GNAL: variants seen among roughly 807,000 people sequenced by gnomAD.
GNAL encodes G protein subunit alpha L.
In GNAL, 18 loss-of-function variants were observed where a neutral mutation model predicts 55.1. The observed-to-expected ratio is 0.33, with a 90% confidence interval of 0.23 to 0.48. The LOEUF is 0.48. GNAL is among the 20% of genes least tolerant of loss of function. GNAL has a pLI of 0.99. For missense variants in GNAL, 412 were observed against 614.1 expected, an observed-to-expected ratio of 0.67 and a Z score of 3.48; for synonymous variants, 253 against 237.0, an observed-to-expected ratio of 1.07 and a Z score of -0.62.
At chr18:11,853,542 T>C (rs2035931787) in intron 5 of GNAL, 1 of 167,072 alleles carries the variant, frequency 6.0e-6, no homozygotes, top group African/African-American at 2.4e-5. Flanking sequence ...AAAATAATTA[T>C]AGGGGCCCTT....
intron 1 of GNAL, among the ~76,000 whole-genome samples, chr18:11,747,895 G>T (rs139206827): frequency 3.8e-4 from 58 of 152,168 alleles, no homozygotes; most frequent in African/African-American, 1.4e-3. Context: ...GGCAGCCCTG[G>T]GTCCCCGCAG....
chr18:11,884,816 C>T lies in GNAL; in HGVS notation c.*3681C>T. Reference sequence around the variant, plus strand: ...ACAGCTCACCCCCGACCAGCCCAGGCTCCAGCAGGAGAGACAAGTAAGGCC... The same window carrying T: ...ACAGCTCACCCCCGACCAGCCCAGGTTCCAGCAGGAGAGACAAGTAAGGCC... On this transcript the variant is annotated 3_prime_UTR_variant, in exon 12 of 12. Coordinates refer to ENST00000334049, the MANE Select transcript of GNAL (RefSeq NM_182978.4). 1 of 1,397,698 alleles carries T rather than the reference C, an allele frequency of 7.2e-7. No individual in the cohort carries two copies. Among genetic ancestry groups the T allele is most frequent in the Non-Finnish European group, 9.3e-7 (1 of 1,072,234 alleles). The allele number at this position is 1,397,698 out of a possible 1,614,324, so 86.6% of individuals were successfully genotyped here. A position where few individuals can be genotyped will look rare whatever the true frequency, so the allele number is the denominator to read the frequency against.
intron 5 of GNAL, among the ~76,000 whole-genome samples, chr18:11,850,119 G>C (rs752092800): frequency 6.6e-6 from 1 of 152,198 alleles, no homozygotes; most frequent in Non-Finnish European, 1.5e-5. Flanking sequence ...CCACAGGACC[G>C]GGCGTCAGTC....
At chr18:11,754,241 C>T (rs2032961194) in intron 4 of GNAL, among the ~76,000 whole-genome samples, 1 of 151,934 alleles carries the variant, frequency 6.6e-6, no homozygotes, top group African/African-American at 2.4e-5. Context: ...ATGGTAAAAC[C>T]CCATCTCTAC....
chr18:11,700,511 G>A (rs1387234536), intron 1 of GNAL, among the ~76,000 whole-genome samples: 2 of 152,226 alleles, frequency 1.3e-5, no homozygotes, highest in African/African-American at 4.8e-5. Flanking sequence ...GTTATTAGGT[G>A]TTACACCAAA....
intron 1 of GNAL, among the ~76,000 whole-genome samples, chr18:11,720,357 A>C (rs1179057891): frequency 6.6e-6 from 1 of 152,256 alleles, no homozygotes; most frequent in Non-Finnish European, 1.5e-5. Context: ...TAATAAAAAG[A>C]ATGCAACTGT....
intron 1 of GNAL, among the ~76,000 whole-genome samples, chr18:11,749,874 A>C (rs1339592582): frequency 2.0e-5 from 3 of 152,164 alleles, no homozygotes; most frequent in Non-Finnish European, 4.4e-5. Flanking sequence ...GAGTGTTAGG[A>C]GGGATGGGGT....
At position 11,882,684 on chromosome 18, in the gene GNAL, C is replaced by CAAAAAA. The variant is rs5823181; in HGVS notation, c.*1564_*1569dup. Reference sequence around the variant, plus strand: ...CTGGACATCAAAGTGAGACTCAGGCCAAAAAAAAAAAAAAAAAAAACCTTG... The same window carrying CAAAAAA: ...CTGGACATCAAAGTGAGACTCAGGCCAAAAAAAAAAAAAAAAAAAAAAAAAACCTTG... On this transcript the variant is annotated 3_prime_UTR_variant, in exon 12 of 12. Transcript: ENST00000334049. 1.1e-5 allele frequency: 1 copy of CAAAAAA among 88,004 alleles called. No individual in the cohort carries two copies. Among genetic ancestry groups the CAAAAAA allele is most frequent in the Non-Finnish European group, 2.2e-5 (1 of 44,710 alleles). The allele number at this position is 88,004 out of a possible 1,614,324, so 5.5% of individuals were successfully genotyped here.
In GNAL at chr18:11,699,795, A is replaced by C. The variant is rs568921872; in HGVS notation, c.376+9856A>C. On this transcript the variant is annotated intron_variant, in intron 1 of 11. Transcript: ENST00000334049. ...GACAATGTCACCACATACTTGTCCA[A>C]CCCACAGAATATACAACGCCAAGAG... Among the ~76,000 whole-genome samples the C allele has an allele frequency of 5.3e-5, 8 of 152,276 alleles. 1 individual carries two copies. In the South Asian group the frequency reaches 1.7e-3, roughly 32 times the overall value.
chr18:11,835,343 G>A (rs1375389453), intron 5 of GNAL, among the ~76,000 whole-genome samples: 1 of 151,504 alleles, frequency 6.6e-6, no homozygotes, highest in Non-Finnish European at 1.5e-5. Flanking sequence ...ACAATAAAAT[G>A]AAGCTGGGCA....
intron 5 of GNAL, among the ~76,000 whole-genome samples, chr18:11,846,186 A>G (rs376081416): frequency 2.4e-4 from 36 of 152,184 alleles, no homozygotes; most frequent in Admixed American, 5.9e-4. Flanking sequence ...CAGTGTAAAG[A>G]AGGAGGAGGA....
chr18:11,835,865 C>A (rs1368571089), intron 5 of GNAL, among the ~76,000 whole-genome samples: 1 of 152,214 alleles, frequency 6.6e-6, no homozygotes, highest in Admixed American at 6.5e-5. Flanking sequence ...GTGCGTCCCA[C>A]CAGGCGAGGT....
At chr18:11,763,628 C>T (rs964950573) in intron 4 of GNAL, among the ~76,000 whole-genome samples, 7 of 152,164 alleles carry the variant, frequency 4.6e-5, no homozygotes, top group Non-Finnish European at 1.0e-4. Flanking sequence ...CCACCTCCCT[C>T]CCAAAGTGCC....
intron 1 of GNAL, among the ~76,000 whole-genome samples, chr18:11,694,322 T>C (rs956711974): frequency 2.6e-5 from 4 of 152,200 alleles, no homozygotes; most frequent in Admixed American, 1.3e-4. Context: ...CATTGCTCCA[T>C]AGGTGTCTTG....
intron 1 of GNAL, among the ~76,000 whole-genome samples, chr18:11,717,305 G>C (rs1301793461): frequency 6.6e-6 from 1 of 152,226 alleles, no homozygotes; most frequent in Non-Finnish European, 1.5e-5. Context: ...CTCCCCGCAA[G>C]CTGAGGGAGC....
At chr18:11,855,927 G>C (rs557286530) in intron 5 of GNAL, among the ~76,000 whole-genome samples, 1 of 150,888 alleles carries the variant, frequency 6.6e-6, no homozygotes, top group Non-Finnish European at 1.5e-5. Flanking sequence ...AGCCGAGATC[G>C]CGCCATTGCA....
chr18:11,833,367 G>T (rs1335748350), intron 5 of GNAL: 1 of 152,156 alleles, frequency 6.6e-6, no homozygotes, highest in Non-Finnish European at 1.5e-5. Context: ...AATTGGAAAT[G>T]TTCCTGTTTA....
At chr18:11,796,366 G>A (rs1037091734) in intron 4 of GNAL, among the ~76,000 whole-genome samples, 1 of 151,842 alleles carries the variant, frequency 6.6e-6, no homozygotes, top group Non-Finnish European at 1.5e-5. Flanking sequence ...TCACGAGGTC[G>A]GGAGATCGGG....
At chr18:11,825,271 CT>C (rs1286587188) in intron 5 of GNAL, among the ~76,000 whole-genome samples, 2 of 152,106 alleles carry the variant, frequency 1.3e-5, no homozygotes, top group Non-Finnish European at 2.9e-5. Context: ...CATTTTTTGA[CT>C]TTTACATAGA....
Sources: allele counts gnomAD v4.1 joint callset (sites outside exome capture counted in the v4.1 genomes callset), GRCh38; gene constraint gnomAD v4.1.1; transcripts MANE v1.5; gene names NCBI Gene and HGNC (gene_info 2026-07-23, HGNC 2026-07-21).